The following PTPN13 variants were observed in gnomAD, a reference collection of about 807,000 sequenced individuals.
The protein encoded by PTPN13 is tyrosine-protein phosphatase non-receptor type 13.
A neutral mutation model predicts 284.0 loss-of-function variants in PTPN13; 191 were observed. The observed-to-expected ratio is 0.67, with a 90% CI of 0.60 to 0.76. The LOEUF (loss-of-function observed/expected upper bound fraction) is 0.76. Among genes scored for constraint, PTPN13 ranks in the 30% least tolerant of loss-of-function variants. PTPN13 has a pLI of 0.00. For synonymous variants in PTPN13, 986 were observed against 1,022.3 expected (o/e 0.96, Z 0.68); for missense variants, 2,797 against 2,939.9 (o/e 0.95, Z 1.12).
At chr4:86,656,701 G>A (rs571684040) in intron 2 of PTPN13, among the ~76,000 whole-genome samples, 4 of 152,314 alleles carry the variant, frequency 2.6e-5, no homozygotes, top group East Asian at 1.9e-4. Context: ...CAGTCTGTCT[G>A]TTCTCAGATC....
At chr4:86,720,917 G>T (rs1007711283) in intron 9 of PTPN13, among the ~76,000 whole-genome samples, 1 of 151,942 alleles carries the variant, frequency 6.6e-6, no homozygotes, top group African/African-American at 2.4e-5. Flanking sequence ...GTCTTTCAGT[G>T]ACCAAAAAGG....
chr4:86,762,618 T>C, intron 23 of PTPN13, 109 bp from the exon 24 acceptor site: 1 of 851,182 alleles, frequency 1.2e-6, no homozygotes, highest in Non-Finnish European at 1.8e-6. Context: ...TGGTGTTTTG[T>C]GTGTCATCCT....
chr4:86,711,235 A>G (rs1732382444), intron 7 of PTPN13, among the ~76,000 whole-genome samples: 1 of 151,342 alleles, frequency 6.6e-6, no homozygotes, highest in Admixed American at 6.6e-5. Context: ...GCTGGTCTCA[A>G]ACTCCTGGGC....
chr4:86,657,058 G>T lies in PTPN13; in HGVS notation c.116-15307G>T, dbSNP rs576416859. ...GATATTATCTCTTGGTGTGCCGTTT[G>T]CTAAGACCGTTGGAAAAGTGCAGTA... On this transcript the variant is annotated intron_variant, in intron 2 of 47. Transcript: ENST00000411767. 1.1e-4 allele frequency among the ~76,000 whole-genome samples: 17 copies of T among 152,340 alleles called. No individual in the cohort carries two copies. In the South Asian group the frequency reaches 3.5e-3, roughly 32 times the overall value.
At chr4:86,785,171 G>T in intron 38 of PTPN13, 60 bp from the exon 39 acceptor site, 1 of 1,305,092 alleles carries the variant, frequency 7.7e-7, no homozygotes, top group East Asian at 2.6e-5. Context: ...TTAACACCTT[G>T]TCCCTTTCTC....
At chr4:86,652,183 CTTTCT>C (rs1246986279) in intron 2 of PTPN13, among the ~76,000 whole-genome samples, 1 of 151,410 alleles carries the variant, frequency 6.6e-6, no homozygotes, top group Non-Finnish European at 1.5e-5. Flanking sequence ...TTGCTCTGAT[CTTTCT>C]TTTCTTCTAA....
At chr4:86,674,703 A>G (rs1272458301) in intron 3 of PTPN13, among the ~76,000 whole-genome samples, 1 of 152,220 alleles carries the variant, frequency 6.6e-6, no homozygotes, top group Non-Finnish European at 1.5e-5. Flanking sequence ...AAAATTTCCC[A>G]TTACATAAGA....
intron 1 of PTPN13, among the ~76,000 whole-genome samples, chr4:86,595,453 G>C (rs1763575049): frequency 6.6e-6 from 1 of 152,056 alleles, no homozygotes; most frequent in Non-Finnish European, 1.5e-5. Flanking sequence ...TTAAACCAAA[G>C]TCAAGAAAAT....
chr4:86,683,571 T>A (rs1729130710), intron 3 of PTPN13, among the ~76,000 whole-genome samples: 1 of 152,172 alleles, frequency 6.6e-6, no homozygotes, highest in Non-Finnish European at 1.5e-5. Context: ...AATGTTAATC[T>A]CACCCAAAAA....
chr4:86,743,688 T>C (rs1247988160), intron 16 of PTPN13, among the ~76,000 whole-genome samples: 1 of 152,176 alleles, frequency 6.6e-6, no homozygotes, highest in East Asian at 1.9e-4. Flanking sequence ...AAAATTTCTT[T>C]GAATTTATAT....
intron 31 of PTPN13, among the ~76,000 whole-genome samples, 164 bp from the exon 32 acceptor site, chr4:86,772,614 C>T (rs916242929): frequency 3.9e-5 from 6 of 152,134 alleles, no homozygotes; most frequent in Non-Finnish European, 7.3e-5. Flanking sequence ...TAACATTTAA[C>T]AGATATGGAG....
At chr4:86,712,847 A>C (rs1246818503) in intron 7 of PTPN13, among the ~76,000 whole-genome samples, 1 of 152,098 alleles carries the variant, frequency 6.6e-6, no homozygotes, top group Non-Finnish European at 1.5e-5. Context: ...AGATTGAAAA[A>C]AGTTTATTAG....
At chr4:86,665,115 G>T (rs1218111131) in intron 2 of PTPN13, among the ~76,000 whole-genome samples, 3 of 152,062 alleles carry the variant, frequency 2.0e-5, no homozygotes, top group Non-Finnish European at 1.5e-5. Flanking sequence ...CATAGTTCTG[G>T]AAGTACATAA....
intron 2 of PTPN13, among the ~76,000 whole-genome samples, chr4:86,643,517 T>C (rs1450520249): frequency 6.6e-6 from 1 of 152,178 alleles, no homozygotes; most frequent in Non-Finnish European, 1.5e-5. Context: ...AAAAATCTTA[T>C]TAGGGAATAA....
At position 86,769,755 on chromosome 4, in the gene PTPN13, A is replaced by G. The variant is rs757027833; in HGVS notation, c.4490-14A>G. ...TTAATAATATCTAAATTTTTTTTAT[A>G]TCTTTTTCTCCAGAAAATACATTTG... On this transcript the variant is annotated splice_polypyrimidine_tract_variant and intron_variant, in intron 28 of 47. Transcript: ENST00000411767. 3.3e-6 allele frequency: 5 copies of G among 1,522,994 alleles called. No individual in the cohort carries two copies. The highest frequency in any genetic ancestry group is 3.6e-6 in the Non-Finnish European group (4 of 1,117,492). 94.3% of individuals were successfully genotyped at this position (1,522,994 alleles called of 1,614,324 possible). A position where few individuals can be genotyped will look rare whatever the true frequency, so the allele number is the denominator to read the frequency against.
At chr4:86,691,364 C>T (rs1233464490) in intron 5 of PTPN13, among the ~76,000 whole-genome samples, 4 of 151,994 alleles carry the variant, frequency 2.6e-5, no homozygotes. Flanking sequence ...AACAGTATGA[C>T]ATGGGGTGTA....
chr4:86,667,981 G>T (rs1337926411), intron 2 of PTPN13, among the ~76,000 whole-genome samples: 1 of 152,110 alleles, frequency 6.6e-6, no homozygotes, highest in Non-Finnish European at 1.5e-5. Context: ...GAAAAAAATG[G>T]ATGAACATAA....
Position 86,598,876 on chromosome 4 carries a change from C to T in PTPN13, c.-6+4087C>T, listed in dbSNP as rs1310405620. Among the ~76,000 whole-genome samples, 4 of 152,198 alleles carry T rather than the reference C, an allele frequency of 2.6e-5. No individual in the cohort carries two copies. In the East Asian group the frequency reaches 7.7e-4, roughly 29 times the overall value. ...AATTGCTGGGCTCAAGTGATCCCTC[C>T]GCCTCAGCATCCTGAATAACTGATA... On this transcript the variant is annotated intron_variant, in intron 1 of 47. Transcript: ENST00000411767.
intron 2 of PTPN13, among the ~76,000 whole-genome samples, chr4:86,654,733 G>A (rs1456142096): frequency 6.6e-6 from 1 of 152,214 alleles, no homozygotes; most frequent in Non-Finnish European, 1.5e-5. Context: ...TTTGGGTGGA[G>A]AGTTCTGTTG....
Sources: allele counts gnomAD v4.1 joint callset (sites outside exome capture counted in the v4.1 genomes callset), GRCh38; gene constraint gnomAD v4.1.1; transcripts MANE v1.5; gene names NCBI Gene and HGNC (gene_info 2026-07-23, HGNC 2026-07-21).